The following KALRN variants were observed in gnomAD, a reference collection of about 807,000 sequenced individuals.
The protein encoded by KALRN is kalirin RhoGEF kinase.
Under a neutral mutation model 353.7 loss-of-function variants are expected in KALRN, and 70 were observed. The ratio of observed to expected loss-of-function variants is 0.20; its 90% CI spans 0.16 to 0.24. The LOEUF (loss-of-function observed/expected upper bound fraction) is 0.24. KALRN is among the 10% of genes least tolerant of loss of function. The pLI is 1.00. For missense variants in KALRN, 2,791 were observed against 3,756.7 expected (o/e 0.74, Z 6.72); for synonymous variants, 1,391 against 1,434.8 (o/e 0.97, Z 0.69).
intron 34 of KALRN, among the ~76,000 whole-genome samples, chr3:124,604,877 C>T (rs995049123): frequency 4.0e-4 from 61 of 151,496 alleles, no homozygotes; most frequent in African/African-American, 1.2e-3. Context: ...AAAATTAGGC[C>T]GGGTGCAGTA....
At chr3:124,715,697 G>C (rs2063104435) in intron 58 of KALRN, among the ~76,000 whole-genome samples, 1 of 152,198 alleles carries the variant, frequency 6.6e-6, no homozygotes, top group Admixed American at 6.5e-5. Context: ...TGACCAGGGG[G>C]ATTTCAGCTG....
chr3:124,570,723 G>A (rs1218700276), intron 34 of KALRN, among the ~76,000 whole-genome samples: 1 of 152,130 alleles, frequency 6.6e-6, no homozygotes, highest in Admixed American at 6.5e-5. Context: ...ACATTTTTCA[G>A]AATCATAAAA....
intron 1 of KALRN, among the ~76,000 whole-genome samples, chr3:124,146,044 C>A (rs1440877155): frequency 6.6e-6 from 1 of 152,218 alleles, no homozygotes; most frequent in African/African-American, 2.4e-5. Context: ...CATGAGGCAT[C>A]TGGTTCTGAG....
chr3:124,302,922 G>T (rs2077381637), intron 6 of KALRN, among the ~76,000 whole-genome samples: 1 of 152,086 alleles, frequency 6.6e-6, no homozygotes, highest in Admixed American at 6.5e-5. Flanking sequence ...CCACCCTAAT[G>T]GCCTCATTTT....
chr3:124,565,768 T>G (rs1164498423), intron 34 of KALRN, among the ~76,000 whole-genome samples: 3 of 152,136 alleles, frequency 2.0e-5, no homozygotes, highest in African/African-American at 7.2e-5. Context: ...CTGCCACATG[T>G]GCAACTTCGC....
At chr3:124,060,150 G>A (rs2041878842) in intron 1 of KALRN, among the ~76,000 whole-genome samples, 1 of 152,078 alleles carries the variant, frequency 6.6e-6, no homozygotes, top group Non-Finnish European at 1.5e-5. Context: ...AGGCTGACTG[G>A]TATTTATTAG....
In KALRN at chr3:124,307,351, G is replaced by C. The variant is rs2077802975; in HGVS notation, c.1092+8438G>C. 3.3e-5 allele frequency among the ~76,000 whole-genome samples: 5 copies of C among 151,956 alleles called. No individual in the cohort carries two copies. The South Asian group carries it at 1.0e-3, about 31-fold the overall frequency. On this transcript the variant is annotated intron_variant, in intron 6 of 59. Transcript: ENST00000682506. The stretch of plus-strand genomic sequence containing the variant: ...GATAAATAAGACTAATATGAAAAAA[G>C]CTATAAATATATAGTAATCCTCCTT...
At chr3:124,163,736 A>T (rs2070380033) in intron 1 of KALRN, 1 of 985,302 alleles carries the variant, frequency 1.0e-6, no homozygotes, top group South Asian at 4.7e-5. Context: ...CATAGTTCTC[A>T]CTACAGGCTT....
chr3:124,078,692 C>T (rs1276856781), intron 1 of KALRN, among the ~76,000 whole-genome samples: 2 of 152,134 alleles, frequency 1.3e-5, no homozygotes, highest in South Asian at 2.1e-4. Context: ...TGAGTAGAAC[C>T]TTGACTCAGG....
At chr3:124,577,588 G>GA (rs575303584) in intron 34 of KALRN, among the ~76,000 whole-genome samples, 7 of 152,014 alleles carry the variant, frequency 4.6e-5, no homozygotes, top group East Asian at 3.9e-4. Context: ...ATACACTTTT[G>GA]AAAAAAAACA....
Position 124,342,697 on chromosome 3 carries a change from C to T in KALRN, c.1648-4446C>T, listed in dbSNP as rs145101431. Among the ~76,000 whole-genome samples the T allele has an allele frequency of 5.1e-3, 771 of 152,248 alleles. 2 individuals are homozygous for T. The highest frequency in any genetic ancestry group is 7.1e-3 in the Non-Finnish European group (482 of 68,008). On this transcript the variant is annotated intron_variant, in intron 9 of 59. Transcript: ENST00000682506. ...TAAATTACTTCTTTGAAACTAAAGGCACATCTTTCCCAGAATCTGACTGAC... is the reference window on the plus strand; with the variant it reads ...TAAATTACTTCTTTGAAACTAAAGGTACATCTTTCCCAGAATCTGACTGAC...
intron 1 of KALRN, among the ~76,000 whole-genome samples, chr3:124,102,234 T>A (rs2061930379): frequency 6.6e-6 from 1 of 152,182 alleles, no homozygotes. Context: ...CCAGGCCTCT[T>A]GTCTAATAAA....
At chr3:124,665,932 TATC>T (rs955710993) in intron 45 of KALRN, among the ~76,000 whole-genome samples, 123 of 152,202 alleles carry the variant, frequency 8.1e-4, no homozygotes, top group African/African-American at 2.7e-3. Context: ...GGGAGTGACT[TATC>T]AGAGTATCTG....
chr3:124,120,302 G>A (rs1310601878), intron 1 of KALRN, among the ~76,000 whole-genome samples: 1 of 152,160 alleles, frequency 6.6e-6, no homozygotes, highest in Non-Finnish European at 1.5e-5. Flanking sequence ...TGGTCTTGCT[G>A]TCCAAAGTCA....
Position 124,334,122 on chromosome 3 carries a change from C to T in KALRN, c.1417-143C>T. 1.4e-6 allele frequency: 1 copy of T among 699,890 alleles called. No individual in the cohort carries two copies. Among genetic ancestry groups the T allele is most frequent in the Admixed American group, 2.4e-5 (1 of 42,112 alleles). The allele number at this position is 699,890 out of a possible 1,614,324, so 43.4% of individuals were successfully genotyped here. A position where few individuals can be genotyped will look rare whatever the true frequency, so the allele number is the denominator to read the frequency against. ...CCGGAGGATGGGCCCCATGGCAGCT[C>T]TGGCTGGCTAGGTGTCTGGGTATGG... On this transcript the variant is annotated intron_variant, in intron 8 of 59. Coordinates refer to ENST00000682506, the MANE Select transcript of KALRN (RefSeq NM_001388419.1). This position sits in a 1 kb window ranked among gnomAD's most constrained non-coding sequence, Gnocchi z 4.2.
intron 1 of KALRN, among the ~76,000 whole-genome samples, chr3:124,138,045 C>T (rs1387761893): frequency 2.0e-5 from 3 of 152,180 alleles, no homozygotes; most frequent in African/African-American, 7.2e-5. Context: ...TCCCCAGTGG[C>T]CCCCAGCAGG....
At chr3:124,604,039 G>A (rs1230470133) in intron 34 of KALRN, among the ~76,000 whole-genome samples, 3 of 152,056 alleles carry the variant, frequency 2.0e-5, no homozygotes, top group Non-Finnish European at 4.4e-5. Flanking sequence ...CTATCACCGA[G>A]AGATCCCTTC....
At chr3:124,119,150 G>A (rs1272219171) in intron 1 of KALRN, among the ~76,000 whole-genome samples, 1 of 151,726 alleles carries the variant, frequency 6.6e-6, no homozygotes, top group African/African-American at 2.4e-5. Flanking sequence ...GACCTGCAAG[G>A]CGAGAGGCAA....
At chr3:124,698,395 G>A (rs993524778) in intron 55 of KALRN, among the ~76,000 whole-genome samples, 2 of 152,230 alleles carry the variant, frequency 1.3e-5, no homozygotes, top group Admixed American at 1.3e-4. Flanking sequence ...TCAGCACAGA[G>A]GCCTCAGTGC....
Sources: gnomAD v4.1 joint callset for allele counts (sites outside exome capture counted in the v4.1 genomes callset) on GRCh38, gnomAD v4.1.1 for gene constraint, Gnocchi (gnomAD v3.1) non-coding constraint, MANE v1.5 for transcripts, NCBI Gene and HGNC (gene_info 2026-07-23, HGNC 2026-07-21) for gene names.